Variants in SRD5A2 observed in about 807,000 individuals in gnomAD.
SRD5A2 encodes the protein steroid 5 alpha-reductase 2.
SRD5A2 carries 30 observed loss-of-function variants against 27.4 expected under a neutral mutation model. That is an observed-to-expected ratio of 1.10 (90% CI 0.82 to 1.49). The LOEUF (loss-of-function observed/expected upper bound fraction) is 1.49. Ranked by LOEUF, SRD5A2 falls within the 40% of genes most tolerant of loss-of-function variation. The probability of loss-of-function intolerance (pLI) is 0.00; values close to 1 mark genes in which losing one functional copy is unlikely to be tolerated. For synonymous variants in SRD5A2, 141 were observed against 133.6 expected, an observed-to-expected ratio of 1.06 and a Z score of -0.38; for missense variants, 348 against 323.4, an observed-to-expected ratio of 1.08 and a Z score of -0.58.
the SRD5A2 span, among the ~76,000 whole-genome samples, chr2:31,594,006 C>G: frequency 6.6e-6 from 1 of 152,154 alleles, no homozygotes; most frequent in Non-Finnish European, 1.5e-5. Flanking sequence ...GAATTTGCCA[C>G]TACCAAGCCA....
the SRD5A2 span, among the ~76,000 whole-genome samples, chr2:31,615,354 T>C: frequency 6.6e-6 from 1 of 152,064 alleles, no homozygotes; most frequent in African/African-American, 2.4e-5. Flanking sequence ...ATGCTGATAG[T>C]GATATAGATA....
chr2:31,621,451 C>T, the SRD5A2 span, among the ~76,000 whole-genome samples: 4 of 152,032 alleles, frequency 2.6e-5, no homozygotes, highest in Non-Finnish European at 4.4e-5. Context: ...ATATTTATTG[C>T]TGAGTAGTAT....
the SRD5A2 span, among the ~76,000 whole-genome samples, chr2:31,615,694 C>T: frequency 6.6e-6 from 1 of 152,132 alleles, no homozygotes; most frequent in South Asian, 2.1e-4. Flanking sequence ...AAGCCAGCTG[C>T]AGAAATTTGC....
At chr2:31,653,620 G>C in the SRD5A2 span, among the ~76,000 whole-genome samples, 1 of 152,280 alleles carries the variant, frequency 6.6e-6, no homozygotes, top group Non-Finnish European at 1.5e-5. Context: ...CTTGCAAGGA[G>C]ACATTGAGAA....
chr2:31,649,279 C>G, the SRD5A2 span, among the ~76,000 whole-genome samples: 3 of 152,108 alleles, frequency 2.0e-5, no homozygotes, highest in Admixed American at 2.0e-4. Flanking sequence ...AAGTGACAAG[C>G]AGTTAGCTCG....
At position 31,525,099 on chromosome 2, in the gene SRD5A2, G is replaced by A. The variant is rs915511261; in HGVS notation, c.*1097C>T. The stretch of plus-strand genomic sequence containing the variant: ...AACAAAACAGGTTTTCTGCCCAGAC[G>A]TGCCCCTCTGTCTGCAATTTTCAGT... On this transcript the variant is annotated 3_prime_UTR_variant, in exon 5 of 5. Transcript: ENST00000622030. 7.9e-5 allele frequency: 17 copies of A among 216,466 alleles called. No homozygotes were observed. Among genetic ancestry groups the A allele is most frequent in the Non-Finnish European group, 1.1e-4 (12 of 107,706 alleles). 13.4% of individuals were successfully genotyped at this position (216,466 alleles called of 1,614,324 possible).
chr2:31,585,255 C>G (rs1268788115), upstream of SRD5A2, among the ~76,000 whole-genome samples: 1 of 152,138 alleles, frequency 6.6e-6, no homozygotes, highest in Non-Finnish European at 1.5e-5. Flanking sequence ...TAGACAAGTC[C>G]TAGTACTGAA....
chr2:31,633,226 C>G, the SRD5A2 span, among the ~76,000 whole-genome samples: 37 of 152,294 alleles, frequency 2.4e-4, no homozygotes, highest in Admixed American at 8.5e-4. Context: ...ACAGTTTCCT[C>G]CCCTCGGGAT....
chr2:31,633,147 G>T, the SRD5A2 span, among the ~76,000 whole-genome samples: 1 of 152,288 alleles, frequency 6.6e-6, no homozygotes, highest in Non-Finnish European at 1.5e-5. Flanking sequence ...CTAATATGGG[G>T]TAATCCCCTC....
chr2:31,564,174 C>T (rs1048600667), intron 1 of SRD5A2, among the ~76,000 whole-genome samples: 3 of 151,972 alleles, frequency 2.0e-5, no homozygotes, highest in Admixed American at 6.6e-5. Flanking sequence ...GTTATAACTG[C>T]ATTCCATGTG....
At position 31,522,984 on chromosome 2, in the gene SRD5A2, C is replaced by G. The variant is rs1226589628; in HGVS notation, c.*3212G>C. 4.5e-6 allele frequency: 1 copy of G among 220,618 alleles called. No individual in the cohort carries two copies. Among genetic ancestry groups the G allele is most frequent in the Non-Finnish European group, 9.1e-6 (1 of 110,288 alleles). The allele number at this position is 220,618 out of a possible 1,614,324, so 13.7% of individuals were successfully genotyped here. A position where few individuals can be genotyped will look rare whatever the true frequency, so the allele number is the denominator to read the frequency against. ...ATCAAACTTCAGGGTTGTAAAACCA[C>G]GGATTTATTTATTTGTTCCTGAAAG... On this transcript the variant is annotated 3_prime_UTR_variant, in exon 5 of 5. Transcript: ENST00000622030.
intron 1 of SRD5A2, among the ~76,000 whole-genome samples, chr2:31,578,511 C>T (rs1667006148): frequency 1.3e-5 from 2 of 152,298 alleles, no homozygotes; most frequent in African/African-American, 4.8e-5. Context: ...AAATTATTTA[C>T]TCAGAGTGTT....
chr2:31,602,692 A>G, the SRD5A2 span, among the ~76,000 whole-genome samples: 3 of 152,086 alleles, frequency 2.0e-5, no homozygotes, highest in Non-Finnish European at 4.4e-5. Flanking sequence ...ACAACACAGT[A>G]CTGGTGGAAG....
At chr2:31,551,037 C>A (rs1372548170) in intron 1 of SRD5A2, among the ~76,000 whole-genome samples, 3 of 151,988 alleles carry the variant, frequency 2.0e-5, no homozygotes, top group Non-Finnish European at 4.4e-5. Context: ...ATACAAAATA[C>A]ACAATTAAAT....
rs1244660622 is a variant in SRD5A2 at position 31,580,620 on chromosome 2, C to T, written c.281G>A (p.Arg94Lys). Residue 94 changes from arginine to lysine, a missense_variant and splice_region_variant, in exon 1 of 5, where the codon AGG becomes AAG. Transcript: ENST00000622030. ...LGLFCLHYFH[R>K]TFVYSLLNRG... ...GGCGCCCGCAAGGGAAAAACGCTACCTGTGGAAGTAATGTAGGCAGAAGAG... is the reference window on the plus strand; with the variant it reads ...GGCGCCCGCAAGGGAAAAACGCTACTTGTGGAAGTAATGTAGGCAGAAGAG... The T allele has an allele frequency of 1.3e-6, 2 of 1,554,408 alleles. No individual in the cohort carries two copies. The highest frequency in any genetic ancestry group is 2.3e-5 in the East Asian group (1 of 43,198).
chr2:31,603,708 C>A, the SRD5A2 span, among the ~76,000 whole-genome samples: 1,369 of 152,002 alleles, frequency 9.0e-3, 20 homozygotes, highest in South Asian at 0.028. Context: ...GAATACTATG[C>A]AGCCATAAAA....
Position 31,580,915 on chromosome 2 carries a change from C to A in SRD5A2, c.-15G>T, listed in dbSNP as rs372825796. Reference sequence around the variant, plus strand: ...TGAACCTGCATCGCGCCGTGTTCCTCGCCGGTGGCCGCTGCCCTCCCAGAA... The same window carrying A: ...TGAACCTGCATCGCGCCGTGTTCCTAGCCGGTGGCCGCTGCCCTCCCAGAA... On this transcript the variant is annotated 5_prime_UTR_variant, in exon 1 of 5. Coordinates refer to ENST00000622030, the MANE Select transcript of SRD5A2 (RefSeq NM_000348.4). 317 of 1,586,960 alleles carry A rather than the reference C, an allele frequency of 2.0e-4. No individual in the cohort carries two copies. Among genetic ancestry groups the A allele is most frequent in the Non-Finnish European group, 2.5e-4 (288 of 1,165,090 alleles).
chr2:31,628,287 G>T, the SRD5A2 span, among the ~76,000 whole-genome samples: 1 of 151,924 alleles, frequency 6.6e-6, no homozygotes, highest in Admixed American at 6.6e-5. Context: ...AATTAGAACA[G>T]CAACCCCTGC....
At chr2:31,563,463 A>T (rs1471471623) in intron 1 of SRD5A2, 1 of 152,148 alleles carries the variant, frequency 6.6e-6, no homozygotes, top group Non-Finnish European at 1.5e-5. Context: ...GTGGCAAGAA[A>T]AAAATGACTC....
Sources: allele counts gnomAD v4.1 joint callset (sites outside exome capture counted in the v4.1 genomes callset), GRCh38; gene constraint gnomAD v4.1.1; transcripts MANE v1.5; gene names NCBI Gene and HGNC (gene_info 2026-07-23, HGNC 2026-07-21).